The following GRIA2 variants were observed in gnomAD, a reference collection of about 807,000 sequenced individuals.
GRIA2 encodes the protein glutamate receptor 2.
In GRIA2, 14 loss-of-function variants were observed where a neutral mutation model predicts 97.3. The ratio of observed to expected loss-of-function variants is 0.14; its 90% CI spans 0.10 to 0.23. The LOEUF is 0.23. Ranked by LOEUF, GRIA2 falls within the 10% of genes least tolerant of loss-of-function variation. GRIA2 has a pLI of 1.00. For missense variants in GRIA2, 558 were observed against 1,069.8 expected (o/e 0.52, Z 6.67); for synonymous variants, 412 against 387.8 (o/e 1.06, Z -0.73).
At chr4:157,231,976 T>C (rs912151407) in intron 2 of GRIA2, among the ~76,000 whole-genome samples, 1 of 152,222 alleles carries the variant, frequency 6.6e-6, no homozygotes, top group Non-Finnish European at 1.5e-5. Context: ...TAATATTTTG[T>C]CATTGAGGCT....
intron 3 of GRIA2, among the ~76,000 whole-genome samples, chr4:157,310,477 C>T (rs1734031335): frequency 6.6e-6 from 1 of 152,128 alleles, no homozygotes; most frequent in South Asian, 2.1e-4. Flanking sequence ...ACACTCTTAA[C>T]ATGGCTTTAT....
intron 2 of GRIA2, among the ~76,000 whole-genome samples, chr4:157,284,709 G>A (rs890825429): frequency 2.0e-5 from 3 of 151,618 alleles, no homozygotes; most frequent in African/African-American, 7.3e-5. Flanking sequence ...TATGCAAGCA[G>A]ATTGACTATC....
intron 2 of GRIA2, among the ~76,000 whole-genome samples, chr4:157,281,494 A>G (rs1433742816): frequency 6.6e-6 from 1 of 152,046 alleles, no homozygotes; most frequent in Non-Finnish European, 1.5e-5. Context: ...AGACTTTTTA[A>G]TGGTTTTATT....
At chr4:157,310,134 G>A (rs1244450547) in intron 3 of GRIA2, among the ~76,000 whole-genome samples, 3 of 152,230 alleles carry the variant, frequency 2.0e-5, no homozygotes, top group Non-Finnish European at 2.9e-5. Context: ...CCAGCTGTGC[G>A]TGTTCTGTCT....
At chr4:157,250,174 A>T (rs2126739540) in intron 2 of GRIA2, among the ~76,000 whole-genome samples, 1 of 152,272 alleles carries the variant, frequency 6.6e-6, no homozygotes, top group East Asian at 1.9e-4. Context: ...ATACAAGTAT[A>T]ACTGCTTCAA....
At chr4:157,360,236 G>T in intron 13 of GRIA2, 93 bp downstream of exon 13, 1 of 1,282,118 alleles carries the variant, frequency 7.8e-7, no homozygotes, top group South Asian at 1.4e-5. Flanking sequence ...TTTGTATACG[G>T]ATATGAGGTA....
intron 2 of GRIA2, among the ~76,000 whole-genome samples, chr4:157,235,265 T>A (rs564001683): frequency 6.6e-6 from 1 of 152,192 alleles, no homozygotes; most frequent in South Asian, 2.1e-4. Context: ...TTCTTAAACT[T>A]TTAGTAGATA....
At chr4:157,267,599 G>A (rs1459941917) in intron 2 of GRIA2, among the ~76,000 whole-genome samples, 1 of 151,994 alleles carries the variant, frequency 6.6e-6, no homozygotes, top group Non-Finnish European at 1.5e-5. Context: ...GACCATGTCT[G>A]TGACGTGGCA....
Position 157,317,668 on chromosome 4 carries a change from T to C in GRIA2, c.677T>C (p.Ile226Thr). The C allele has an allele frequency of 8.4e-7, 1 of 1,197,504 alleles. No individual in the cohort carries two copies. The highest frequency in any genetic ancestry group is 1.5e-5 in the African/African-American group (1 of 67,420). The allele number at this position is 1,197,504 out of a possible 1,614,324, so 74.2% of individuals were successfully genotyped here. ...ATTTGTGCTTATTAGGTTATTACCA[T>C]TGGAAAACATGTTAAAGGGTACCAC... ...VNDIVDQVIT[I>T]GKHVKGYHYI... The change falls in exon 5 of 16, where the codon ATT becomes ACT. Residue 226 changes from isoleucine to threonine, a missense_variant. Ile to Thr is a moderately conservative substitution (Grantham distance 89). Around this residue, in one of 8 missense-constraint regions of GRIA2, gnomAD observed 173 missense variants for 209.1 expected, o/e 0.83. Coordinates refer to ENST00000264426, the MANE Select transcript of GRIA2 (RefSeq NM_001083619.3).
chr4:157,356,003 A>G (rs866301517), intron 12 of GRIA2, among the ~76,000 whole-genome samples: 5 of 92,000 alleles, frequency 5.4e-5, no homozygotes, highest in East Asian at 5.3e-4. Context: ...ATATATTTAT[A>G]TATGTATTTA....
intron 2 of GRIA2, among the ~76,000 whole-genome samples, chr4:157,279,850 C>T (rs1378536256): frequency 3.9e-5 from 6 of 152,112 alleles, no homozygotes; most frequent in African/African-American, 1.4e-4. Context: ...CTCGCCTGGG[C>T]GTGGTGGCTC....
At chr4:157,241,354 C>A (rs1412269979) in intron 2 of GRIA2, among the ~76,000 whole-genome samples, 1 of 151,976 alleles carries the variant, frequency 6.6e-6, no homozygotes, top group African/African-American at 2.4e-5. Flanking sequence ...TATCATTAGT[C>A]CTACCTAAAA....
intron 2 of GRIA2, among the ~76,000 whole-genome samples, chr4:157,240,390 CA>C (rs1730451710): frequency 2.0e-5 from 3 of 152,178 alleles, no homozygotes; most frequent in Admixed American, 2.0e-4. Flanking sequence ...ATTTTTTCCA[CA>C]AAAATTTTTG....
intron 2 of GRIA2, among the ~76,000 whole-genome samples, chr4:157,262,892 T>C (rs1731609408): frequency 6.6e-6 from 1 of 152,008 alleles, no homozygotes; most frequent in Admixed American, 6.6e-5. Context: ...TTATTACTGA[T>C]CAAAGTTGTA....
At chr4:157,259,669 C>T (rs565932430) in intron 2 of GRIA2, among the ~76,000 whole-genome samples, 1 of 152,162 alleles carries the variant, frequency 6.6e-6, no homozygotes, top group East Asian at 1.9e-4. Flanking sequence ...CCTTCCTGTC[C>T]ATTTTGTTTA....
intron 12 of GRIA2, chr4:157,342,261 T>C (rs891864957): frequency 3.1e-6 from 3 of 983,502 alleles, no homozygotes; most frequent in Non-Finnish European, 3.6e-6. Flanking sequence ...GTCCAGCTTA[T>C]TCCGGAATTA....
At chr4:157,232,438 A>G (rs1437390903) in intron 2 of GRIA2, among the ~76,000 whole-genome samples, 1 of 152,106 alleles carries the variant, frequency 6.6e-6, no homozygotes, top group Non-Finnish European at 1.5e-5. Flanking sequence ...AAATTGAAGA[A>G]TTTCTATCTT....
intron 2 of GRIA2, among the ~76,000 whole-genome samples, chr4:157,276,252 C>T (rs1732306769): frequency 6.6e-6 from 1 of 151,892 alleles, no homozygotes; most frequent in Non-Finnish European, 1.5e-5. Flanking sequence ...GGAAAATCCC[C>T]AAATAGTTGT....
chr4:157,252,596 T>G (rs1731064401), intron 2 of GRIA2, among the ~76,000 whole-genome samples: 1 of 152,106 alleles, frequency 6.6e-6, no homozygotes, highest in Admixed American at 6.6e-5. Flanking sequence ...GTATAATGAA[T>G]TATGGCAACA....
Sources: allele counts gnomAD v4.1 joint callset (sites outside exome capture counted in the v4.1 genomes callset), GRCh38; gene constraint gnomAD v4.1.1; regional missense constraint gnomAD v4.1.1; transcripts MANE v1.5; gene names NCBI Gene and HGNC (gene_info 2026-07-23, HGNC 2026-07-21).